The following PHYHD1 variants were observed in gnomAD, a reference collection of about 807,000 sequenced individuals.
The protein encoded by PHYHD1 is phytanoyl-CoA dioxygenase domain containing 1.
PHYHD1 carries 42 observed loss-of-function variants against 43.6 expected under a neutral mutation model. The ratio of observed to expected loss-of-function variants is 0.96; its 90% CI spans 0.75 to 1.25. The LOEUF (loss-of-function observed/expected upper bound fraction) is 1.25. Ranked by LOEUF, PHYHD1 falls within the 50% of genes most tolerant of loss-of-function variation. PHYHD1 has a pLI of 0.00. For synonymous variants in PHYHD1, 139 were observed against 143.6 expected, an observed-to-expected ratio of 0.97 and a Z score of 0.23; for missense variants, 342 against 370.8, an observed-to-expected ratio of 0.92 and a Z score of 0.64.
chr9:128,941,735 C>A lies in PHYHD1; in HGVS notation c.*22C>A. On this transcript the variant is annotated 3_prime_UTR_variant, in exon 13 of 13. Coordinates refer to ENST00000372592, the MANE Select transcript of PHYHD1 (RefSeq NM_001100876.2). ...CTAAAGGCTCTCGCAGGGCAGGAGC[C>A]CTCGCCCCTCCCGGGTGAAGCTGTG... 1 of 1,614,138 alleles carries A rather than the reference C, an allele frequency of 6.2e-7. No homozygotes were observed. Among genetic ancestry groups the A allele is most frequent in the African/African-American group, 1.3e-5 (1 of 75,048 alleles).
chr9:128,935,294 AGCTTGTAGAC>A (rs1841396068), intron 6 of PHYHD1, among the ~76,000 whole-genome samples: 4 of 152,146 alleles, frequency 2.6e-5, no homozygotes, highest in Non-Finnish European at 1.5e-5. Flanking sequence ...TATCATGGTA[AGCTTGTAGAC>A]AAGTTGTGGT....
At chr9:128,939,130 C>T (rs78928678) in intron 9 of PHYHD1, among the ~76,000 whole-genome samples, 2,341 of 131,758 alleles carry the variant, frequency 0.018, 645 homozygotes, top group Non-Finnish European at 0.026. Context: ...CTTTGGAGGT[C>T]TGTCTTAAAG....
intron 3 of PHYHD1, among the ~76,000 whole-genome samples, chr9:128,924,077 C>T (rs1350552459): frequency 1.3e-5 from 2 of 151,826 alleles, no homozygotes; most frequent in Admixed American, 6.6e-5. Flanking sequence ...TGAGATCATG[C>T]CACTGCACTC....
At chr9:128,928,815 C>A (rs1440799446) in intron 4 of PHYHD1, among the ~76,000 whole-genome samples, 1 of 152,144 alleles carries the variant, frequency 6.6e-6, no homozygotes, top group Non-Finnish European at 1.5e-5. Flanking sequence ...AATATTCACT[C>A]TTGATACTGT....
intron 4 of PHYHD1, among the ~76,000 whole-genome samples, chr9:128,928,061 G>T (rs1312532652): frequency 6.6e-6 from 1 of 152,254 alleles, no homozygotes; most frequent in African/African-American, 2.4e-5. Context: ...GCCTGCTTGC[G>T]CCTGGGCCAG....
intron 3 of PHYHD1, among the ~76,000 whole-genome samples, chr9:128,924,194 A>G (rs1841075963): frequency 6.6e-6 from 1 of 152,132 alleles, no homozygotes; most frequent in Non-Finnish European, 1.5e-5. Flanking sequence ...AAGTGGGCGG[A>G]TCACAAGGTC....
chr9:128,922,413 C>A (rs1033237967), intron 3 of PHYHD1, 57 bp downstream of exon 3: 1 of 1,533,622 alleles, frequency 6.5e-7, no homozygotes, highest in Non-Finnish European at 8.8e-7. Flanking sequence ...CCTGCCGGAC[C>A]TTCAGTAGTC....
At chr9:128,932,184 A>ATTTTTTTTT (rs1258300033) in intron 4 of PHYHD1, among the ~76,000 whole-genome samples, 6 of 108,664 alleles carry the variant, frequency 5.5e-5, no homozygotes, top group African/African-American at 2.1e-4. Flanking sequence ...TATTATTATT[A>ATTTTTTTTT]TTTTTTTTTT....
chr9:128,937,922 T>C (rs917519153), intron 9 of PHYHD1, 144 bp downstream of exon 9: 4 of 1,535,226 alleles, frequency 2.6e-6, no homozygotes, highest in Middle Eastern at 2.3e-4. Flanking sequence ...CCACCTTCCA[T>C]TCCTTCCCCT....
rs1841023340 is a variant in PHYHD1 at position 128,922,462 on chromosome 9, A to G, written c.33+106A>G. On this transcript the variant is annotated intron_variant, in intron 3 of 12. Transcript: ENST00000372592. ...CACCCCCTGCCCCATTTTACCGAGG[A>G]CGAAACTGAAGCCCAGAGGAGCGGG... 9 of 1,381,876 alleles carry G rather than the reference A, an allele frequency of 6.5e-6. No individual in the cohort carries two copies. In the South Asian group the frequency reaches 1.2e-4, roughly 19 times the overall value. The allele number at this position is 1,381,876 out of a possible 1,614,324, so 85.6% of individuals were successfully genotyped here.
intron 4 of PHYHD1, among the ~76,000 whole-genome samples, chr9:128,931,586 G>A (rs1224156480): frequency 1.3e-5 from 2 of 151,940 alleles, no homozygotes; most frequent in Non-Finnish European, 2.9e-5. Flanking sequence ...GTGCAGTGGC[G>A]CGATCTCGGC....
At chr9:128,932,184 A>ATTATT (rs1400960079) in intron 4 of PHYHD1, among the ~76,000 whole-genome samples, 9 of 108,698 alleles carry the variant, frequency 8.3e-5, no homozygotes, top group African/African-American at 3.3e-4. Context: ...TATTATTATT[A>ATTATT]TTTTTTTTTT....
intron 6 of PHYHD1, 127 bp from the exon 7 acceptor site, chr9:128,936,321 G>GC (rs1209074004): frequency 7.7e-7 from 1 of 1,303,732 alleles, no homozygotes; most frequent in Non-Finnish European, 1.1e-6. Flanking sequence ...TTGTAAACAA[G>GC]CAGAAGGGTT....
At chr9:128,934,249 T>G (rs536259599) in intron 6 of PHYHD1, among the ~76,000 whole-genome samples, 191 bp downstream of exon 6, 1 of 151,406 alleles carries the variant, frequency 6.6e-6, no homozygotes, top group African/African-American at 2.4e-5. Flanking sequence ...ATTAGGTGAG[T>G]GTAGTGGTGC....
intron 4 of PHYHD1, among the ~76,000 whole-genome samples, chr9:128,930,976 T>C (rs1466168344): frequency 6.7e-6 from 1 of 149,410 alleles, no homozygotes; most frequent in Non-Finnish European, 1.5e-5. Flanking sequence ...GGCACCTCAA[T>C]TTCTTCTTCT....
chr9:128,926,638 A>C (rs1366476552), intron 3 of PHYHD1, among the ~76,000 whole-genome samples: 2 of 129,012 alleles, frequency 1.6e-5, no homozygotes, highest in Admixed American at 1.6e-4. Context: ...GGCTCACTGC[A>C]ACCTCCGCCT....
At chr9:128,922,152 A>T in intron 2 of PHYHD1, 105 bp downstream of exon 2, 6 of 637,846 alleles carry the variant, frequency 9.4e-6, no homozygotes, top group Non-Finnish European at 1.4e-5. Flanking sequence ...GGGGTGGGGG[A>T]GATTAGCCTG....
At chr9:128,936,333 A>G in intron 6 of PHYHD1, 115 bp from the exon 7 acceptor site, 2 of 1,401,988 alleles carry the variant, frequency 1.4e-6, no homozygotes, top group Non-Finnish European at 2.0e-6. Context: ...AGAAGGGTTA[A>G]TGCCTACAAA....
chr9:128,933,732 G>C, intron 4 of PHYHD1, 50 bp from the exon 5 acceptor site: 1 of 1,583,450 alleles, frequency 6.3e-7, no homozygotes, highest in African/African-American at 1.3e-5. Context: ...GCCAGGCCCA[G>C]CTCTGACCCC....
Sources: allele counts gnomAD v4.1 joint callset (sites outside exome capture counted in the v4.1 genomes callset), GRCh38; gene constraint gnomAD v4.1.1; transcripts MANE v1.5; gene names NCBI Gene and HGNC (gene_info 2026-07-23, HGNC 2026-07-21).